Variants in ARHGEF10 observed in about 807,000 individuals in gnomAD.
ARHGEF10 encodes Rho guanine nucleotide exchange factor (GEF) 10.
In ARHGEF10, 140 loss-of-function variants were observed where a neutral mutation model predicts 147.4. The ratio of observed to expected loss-of-function variants is 0.95; its 90% confidence interval spans 0.83 to 1.09. The LOEUF is 1.09. ARHGEF10 is among the 50% of genes least tolerant of loss of function. The pLI, the probability that ARHGEF10 is intolerant of heterozygous loss-of-function variation, is 0.00. For synonymous variants in ARHGEF10, 902 were observed against 695.8 expected (o/e 1.30, Z -4.67); for missense variants, 2,222 against 1,752.7 (o/e 1.27, Z -4.78).
intron 7 of ARHGEF10, among the ~76,000 whole-genome samples, chr8:1,873,670 C>A (rs1339778922): frequency 7.0e-6 from 1 of 143,242 alleles, no homozygotes; most frequent in African/African-American, 2.6e-5. Flanking sequence ...GGGTAGTGCA[C>A]CCGCATTTCC....
intron 2 of ARHGEF10, among the ~76,000 whole-genome samples, chr8:1,852,143 G>A (rs1324154952): frequency 1.3e-5 from 2 of 152,092 alleles, no homozygotes; most frequent in East Asian, 1.9e-4. Flanking sequence ...GAGGCTCTTG[G>A]TCACACTGGC....
intron 9 of ARHGEF10, among the ~76,000 whole-genome samples, chr8:1,881,975 C>A (rs764587927): frequency 2.0e-5 from 3 of 152,194 alleles, no homozygotes; most frequent in Non-Finnish European, 2.9e-5. Flanking sequence ...CTCAGACGCC[C>A]CTGAGTCTAG....
chr8:1,832,075 GCGGTGGGTCGAGGGTGGTTTAGTCCACC>G (rs1803143995), intron 1 of ARHGEF10, among the ~76,000 whole-genome samples: 1 of 152,198 alleles, frequency 6.6e-6, no homozygotes, highest in African/African-American at 2.4e-5. Context: ...TGGAGGAGCA[GCGGTGGGTCGAGGGTGGTTTAGTCCACC>G]CAGGGGGTCC....
At chr8:1,921,348 T>C (rs1289324880) in intron 18 of ARHGEF10, among the ~76,000 whole-genome samples, 5 of 152,224 alleles carry the variant, frequency 3.3e-5, no homozygotes, top group Admixed American at 6.5e-5. Context: ...ATATCTGTTA[T>C]ATACACTAAA....
At chr8:1,893,754 G>A (rs1364790763) in intron 12 of ARHGEF10, 108 bp downstream of exon 12, 2 of 877,926 alleles carry the variant, frequency 2.3e-6, no homozygotes, top group East Asian at 5.3e-5. Flanking sequence ...AACATAACAT[G>A]CAAATTTGCA....
intron 24 of ARHGEF10, 75 bp downstream of exon 24, chr8:1,928,725 G>C: frequency 1.3e-6 from 2 of 1,528,994 alleles, no homozygotes; most frequent in East Asian, 4.6e-5. Flanking sequence ...GCCTGTCCTG[G>C]AAAGAGTCCT....
chr8:1,922,868 A>C, intron 18 of ARHGEF10, 96 bp from the exon 19 acceptor site: 1 of 858,070 alleles, frequency 1.2e-6, no homozygotes, highest in Non-Finnish European at 1.9e-6. Context: ...TCAACTTAAA[A>C]ATTATTTAGT....
chr8:1,945,705 C>T (rs773650029), intron 27 of ARHGEF10, 50 bp downstream of exon 27: 140 of 1,610,240 alleles, frequency 8.7e-5, no homozygotes, highest in Non-Finnish European at 1.1e-4. Context: ...CGGGGACGGA[C>T]GTGGGGGGTG....
intron 28 of ARHGEF10, 145 bp from the exon 29 acceptor site, chr8:1,956,604 T>A: frequency 1.3e-6 from 1 of 771,288 alleles, no homozygotes; most frequent in African/African-American, 1.7e-5. Context: ...TCATCGTAGC[T>A]TATTATTCAT....
chr8:1,940,688 GTATCCAC>G (rs1814017227), intron 26 of ARHGEF10, among the ~76,000 whole-genome samples: 1 of 152,108 alleles, frequency 6.6e-6, no homozygotes, highest in Non-Finnish European at 1.5e-5. Context: ...CCACAGACCG[GTATCCAC>G]TGTGAGCACG....
Position 1,876,649 on chromosome 8 carries a change from A to C in ARHGEF10, c.758A>C (p.Glu253Ala). 1 of 1,614,230 alleles carries C rather than the reference A, an allele frequency of 6.2e-7. No individual in the cohort carries two copies. The highest frequency in any genetic ancestry group is 8.5e-7 in the Non-Finnish European group (1 of 1,180,042). ...TTGGAATACGGATGGAGTTCGAGTGAATTTGAAAGTTACGAAGAGCAGAGT... is the reference window on the plus strand; with the variant it reads ...TTGGAATACGGATGGAGTTCGAGTGCATTTGAAAGTTACGAAGAGCAGAGT... ...SSLEYGWSSS[E>A]FESYEEQSDS... is the part of the protein sequence containing the mutation. Residue 253 changes from glutamate to alanine, a missense_variant, in exon 8 of 29, where the codon GAA becomes GCA. Physicochemically the swap from Glu to Ala is moderately radical, Grantham distance 107. Coordinates refer to ENST00000349830, the MANE Select transcript of ARHGEF10 (RefSeq NM_014629.4).
chr8:1,876,223 A>G (rs748652051), intron 7 of ARHGEF10: 9 of 340,688 alleles, frequency 2.6e-5, no homozygotes, highest in Non-Finnish European at 4.4e-5. Context: ...GTAAGTTTAT[A>G]TAAAGGAAGA....
intron 18 of ARHGEF10, among the ~76,000 whole-genome samples, chr8:1,916,458 C>T (rs1249744235): frequency 2.0e-5 from 3 of 152,198 alleles, no homozygotes; most frequent in Non-Finnish European, 2.9e-5. Flanking sequence ...TTATAAAATG[C>T]TTGGGTTTTG....
chr8:1,905,794 T>C (rs1224185075), intron 17 of ARHGEF10, 78 bp downstream of exon 17: 2 of 1,571,736 alleles, frequency 1.3e-6, no homozygotes, highest in East Asian at 4.5e-5. Flanking sequence ...CATGACTTTG[T>C]TAATTCTGTC....
chr8:1,867,498 C>G (rs1649373297), intron 6 of ARHGEF10, among the ~76,000 whole-genome samples: 1 of 152,158 alleles, frequency 6.6e-6, no homozygotes, highest in South Asian at 2.1e-4. Context: ...TACATTTAAA[C>G]CTGTAGGATT....
Position 1,841,230 on chromosome 8 carries a change from T to C in ARHGEF10, c.-47-2123T>C, listed in dbSNP as rs931051117. The stretch of plus-strand genomic sequence containing the variant: ...CAGTACCTACGTCTTGGAGTTGCGC[T>C]GGCGAGGTGGACCTAAAAGGAAAAA... On this transcript the variant is annotated intron_variant, in intron 1 of 28. Coordinates refer to ENST00000349830, the MANE Select transcript of ARHGEF10 (RefSeq NM_014629.4). Among the ~76,000 whole-genome samples, 4 of 150,572 alleles carry C rather than the reference T, an allele frequency of 2.7e-5. No individual in the cohort carries two copies. In the Admixed American group the frequency reaches 2.7e-4, roughly 10 times the overall value.
chr8:1,895,172 C>G (rs1809871889), intron 13 of ARHGEF10, among the ~76,000 whole-genome samples: 1 of 152,186 alleles, frequency 6.6e-6, no homozygotes, highest in South Asian at 2.1e-4. Context: ...AAAGGGTTAG[C>G]TGCCTGGAAA....
intron 1 of ARHGEF10, among the ~76,000 whole-genome samples, chr8:1,840,838 G>A (rs1348923747): frequency 1.3e-5 from 2 of 152,140 alleles, no homozygotes; most frequent in African/African-American, 4.8e-5. Flanking sequence ...GCTGGAGAGG[G>A]TAGGCACCTC....
chr8:1,945,509 G>C lies in ARHGEF10; in HGVS notation c.3251G>C (p.Gly1084Ala). ...EGQLEAHQEEGMVISHMAVSG... is the reference protein window; with the variant it reads ...EGQLEAHQEEAMVISHMAVSG... ...CAGCTGGAGGCCCACCAGGAGGAAG[G>C]CATGGTGATCTCCCACATGGCCGTG... The change falls in exon 27 of 29, where the codon GGC becomes GCC. Residue 1084 changes from glycine to alanine, a missense_variant. Gly to Ala is a moderately conservative substitution (Grantham distance 60, BLOSUM62 0). Transcript: ENST00000349830. The C allele has an allele frequency of 6.2e-7, 1 of 1,611,236 alleles. No homozygotes were observed. The highest frequency in any genetic ancestry group is 8.5e-7 in the Non-Finnish European group (1 of 1,178,658).
Sources: allele counts gnomAD v4.1 joint callset (sites outside exome capture counted in the v4.1 genomes callset), GRCh38; gene constraint gnomAD v4.1.1; transcripts MANE v1.5; gene names NCBI Gene and HGNC (gene_info 2026-07-23, HGNC 2026-07-21).